The following TBCCD1 variants were observed in gnomAD, a reference collection of about 807,000 sequenced individuals.
The protein encoded by TBCCD1 is TBCC domain containing 1.
Under a neutral mutation model 53.4 loss-of-function variants are expected in TBCCD1, and 26 were observed. That is an observed-to-expected ratio of 0.49 (90% CI 0.36 to 0.68). TBCCD1 has a LOEUF of 0.68. Ranked by LOEUF, TBCCD1 falls within the 30% of genes least tolerant of loss-of-function variation. The pLI is 0.00. For missense variants in TBCCD1, 558 were observed against 669.5 expected, an observed-to-expected ratio of 0.83 and a Z score of 1.84; for synonymous variants, 245 against 241.7, an observed-to-expected ratio of 1.01 and a Z score of -0.13.
intron 1 of TBCCD1, among the ~76,000 whole-genome samples, chr3:186,565,109 CTTTTTTTTTT>C (rs370017010): frequency 8.0e-6 from 1 of 124,764 alleles, no homozygotes; most frequent in South Asian, 2.6e-4. Context: ...TCTTCTTCTT[CTTTTTTTTTT>C]TTTTTTTTTG....
chr3:186,551,240 C>T lies in TBCCD1; in HGVS notation c.1584G>A (p.Lys528=), dbSNP rs61732807. The T allele has an allele frequency of 1.8e-3, 2,922 of 1,613,810 alleles. 48 individuals are homozygous for T. In the African/African-American group the frequency reaches 0.034, roughly 19 times the overall value. The change falls in exon 7 of 8, where the codon AAG becomes AAA. Residue 528 remains lysine, a synonymous_variant. Coordinates refer to ENST00000338733, the MANE Select transcript of TBCCD1 (RefSeq NM_018138.5). The part of the protein sequence containing the change: ...RKQFQVLVEN[K]FYEWLINTGH... ...CTGTATTAATCAACCATTCATAAAA[C>T]TTGTTCTCTACCAGTACCTGGAACT...
chr3:186,565,133 T>A (rs1240838351), intron 1 of TBCCD1, among the ~76,000 whole-genome samples: 1 of 141,584 alleles, frequency 7.1e-6, no homozygotes, highest in Non-Finnish European at 1.5e-5. Context: ...TTTTTTGAGA[T>A]GGAGTTTCCC....
intron 7 of TBCCD1, among the ~76,000 whole-genome samples, chr3:186,547,326 T>C (rs936081263): frequency 9.9e-5 from 15 of 151,522 alleles, no homozygotes; most frequent in African/African-American, 3.6e-4. Context: ...AGTGCAATCA[T>C]AGCTCACTGC....
chr3:186,556,801 T>A, intron 3 of TBCCD1, 26 bp from the exon 4 acceptor site: 1 of 1,596,898 alleles, frequency 6.3e-7, no homozygotes, highest in Non-Finnish European at 8.5e-7. Context: ...AAGAAAGCAC[T>A]CTTAATAAAG....
At chr3:186,551,540 G>C (rs1452661342) in intron 6 of TBCCD1, among the ~76,000 whole-genome samples, 1 of 152,158 alleles carries the variant, frequency 6.6e-6, no homozygotes, top group Non-Finnish European at 1.5e-5. Context: ...CTGACTGATG[G>C]GGATAAATGT....
intron 1 of TBCCD1, among the ~76,000 whole-genome samples, chr3:186,566,376 G>T (rs1196316503): frequency 2.0e-5 from 3 of 152,118 alleles, no homozygotes; most frequent in Non-Finnish European, 4.4e-5. Flanking sequence ...CATCTGTTCG[G>T]AAAAATAACT....
chr3:186,565,119 T>C (rs1714791625), intron 1 of TBCCD1, among the ~76,000 whole-genome samples: 1 of 149,436 alleles, frequency 6.7e-6, no homozygotes, highest in South Asian at 2.1e-4. Flanking sequence ...CTTTTTTTTT[T>C]TTTTTTTTTG....
rs1461675158 is a variant in TBCCD1, at chr3:186,556,523, T to C, written c.745A>G (p.Lys249Glu). 3 of 1,612,986 alleles carry C rather than the reference T, an allele frequency of 1.9e-6. No individual in the cohort carries two copies. Among genetic ancestry groups the C allele is most frequent in the Non-Finnish European group, 2.5e-6 (3 of 1,179,804 alleles). The change falls in exon 4 of 8, where the codon AAG (lysine) becomes GAG (glutamate). Residue 249 changes from lysine to glutamate, a missense_variant. Coordinates refer to ENST00000338733, the MANE Select transcript of TBCCD1 (RefSeq NM_018138.5). Reference sequence around the variant, plus strand: ...TCCAGTTTGTAGAAAGAGAAAGTCTTAGAGATCTTTGAGAAGCCACTATCT... The same window carrying C: ...TCCAGTTTGTAGAAAGAGAAAGTCTCAGAGATCTTTGAGAAGCCACTATCT... The part of the protein sequence containing the change: ...HADSGFSKIS[K>E]TFSFYKLETW...
At chr3:186,551,311 A>G in intron 6 of TBCCD1, 32 bp from the exon 7 acceptor site, 1 of 1,591,758 alleles carries the variant, frequency 6.3e-7, no homozygotes. Flanking sequence ...AAAAGAATAT[A>G]AGAACATGAA....
intron 3 of TBCCD1, among the ~76,000 whole-genome samples, chr3:186,557,349 A>G (rs1048430284): frequency 6.6e-6 from 1 of 152,232 alleles, no homozygotes; most frequent in African/African-American, 2.4e-5. Context: ...ATGATAATAA[A>G]TGATAGAGGC....
At chr3:186,551,708 CTAACGCCTG>C (rs1445200846) in intron 6 of TBCCD1, among the ~76,000 whole-genome samples, 1 of 152,242 alleles carries the variant, frequency 6.6e-6, no homozygotes, top group African/African-American at 2.4e-5. Context: ...GGCATGGTGA[CTAACGCCTG>C]TAATCCCAGC....
At chr3:186,566,599 G>A (rs1357287594) in intron 1 of TBCCD1, among the ~76,000 whole-genome samples, 1 of 152,218 alleles carries the variant, frequency 6.6e-6, no homozygotes, top group African/African-American at 2.4e-5. Context: ...GGTCTGACTT[G>A]AGAACTGCAT....
At position 186,547,637 on chromosome 3, in the gene TBCCD1, C is replaced by T. The variant is rs1218946177; in HGVS notation, c.*22-682G>A. 1.4e-4 allele frequency among the ~76,000 whole-genome samples: 20 copies of T among 148,108 alleles called. 1 individual carries two copies. In the South Asian group the frequency reaches 3.0e-3, roughly 22 times the overall value. On this transcript the variant is annotated intron_variant, in intron 7 of 7. Transcript: ENST00000338733. Reference sequence around the variant, plus strand: ...TTTTTTTTTTTTTAAGACGGAGTCTCGCTCTGTCGCCCAGGCTGGAGTGCA... The same window carrying T: ...TTTTTTTTTTTTTAAGACGGAGTCTTGCTCTGTCGCCCAGGCTGGAGTGCA...
intron 6 of TBCCD1, chr3:186,553,654 G>C (rs2108455981): frequency 6.5e-6 from 1 of 152,910 alleles, no homozygotes; most frequent in South Asian, 2.1e-4. Flanking sequence ...CATAGAAGGT[G>C]CCTAGAATGG....
rs996060027 is a variant in TBCCD1, at chr3:186,555,183, T to C, written c.860-99A>G. The C allele has an allele frequency of 2.6e-5, 30 of 1,162,264 alleles. No individual in the cohort carries two copies. In the Middle Eastern group the frequency reaches 9.2e-4, roughly 36 times the overall value. 72.0% of individuals were successfully genotyped at this position (1,162,264 alleles called of 1,614,324 possible). A position where few individuals can be genotyped will look rare whatever the true frequency, so the allele number is the denominator to read the frequency against. On this transcript the variant is annotated intron_variant, in intron 4 of 7. Coordinates refer to ENST00000338733, the MANE Select transcript of TBCCD1 (RefSeq NM_018138.5). ...CGTCTACATGTATATATGTCTCAAA[T>C]TAGATACCACATGTAGGGACAAAAA... is the stretch of plus-strand genomic sequence containing the variant.
At chr3:186,566,061 G>A (rs1266620310) in intron 1 of TBCCD1, among the ~76,000 whole-genome samples, 3 of 147,086 alleles carry the variant, frequency 2.0e-5, no homozygotes, top group Non-Finnish European at 4.5e-5. Context: ...TTTTTGAGAC[G>A]GAGTCTCGCT....
At chr3:186,549,274 TGA>T (rs1490062891) in intron 7 of TBCCD1, among the ~76,000 whole-genome samples, 1 of 151,974 alleles carries the variant, frequency 6.6e-6, no homozygotes, top group Non-Finnish European at 1.5e-5. Context: ...GGGGACAGAG[TGA>T]GACTCCATCT....
chr3:186,568,672 G>A (rs1392445344), upstream of TBCCD1, among the ~76,000 whole-genome samples: 3 of 151,950 alleles, frequency 2.0e-5, no homozygotes, highest in East Asian at 1.9e-4. Context: ...AGGCTGAGGC[G>A]GGTGGATCAC....
In TBCCD1 at chr3:186,556,502, G is replaced by A; in HGVS notation, c.766C>T (p.Leu256=). 6.2e-7 allele frequency: 1 copy of A among 1,610,594 alleles called. No individual in the cohort carries two copies. The highest frequency in any genetic ancestry group is 1.1e-5 in the South Asian group (1 of 90,008). ...AAACAGGACCTCAACCAGGTTTCCA[G>A]TTTGTAGAAAGAGAAAGTCTTAGAG... is the stretch of plus-strand genomic sequence containing the variant. ...KISKTFSFYK[L]ETWLRSCLTG... is the part of the protein sequence containing the mutation. Residue 256 remains leucine (L), a synonymous_variant, in exon 4 of 8, where the codon CTG becomes TTG. Coordinates refer to ENST00000338733, the MANE Select transcript of TBCCD1 (RefSeq NM_018138.5).
Sources: gnomAD v4.1 joint callset for allele counts (sites outside exome capture counted in the v4.1 genomes callset) on GRCh38, gnomAD v4.1.1 for gene constraint, MANE v1.5 for transcripts, NCBI Gene and HGNC (gene_info 2026-07-23, HGNC 2026-07-21) for gene names.